The following TMTC1 variants were observed in gnomAD, a reference collection of about 807,000 sequenced individuals.
The protein encoded by TMTC1 is protein O-mannosyl-transferase TMTC1.
Under a neutral mutation model 104.8 loss-of-function variants are expected in TMTC1, and 73 were observed. That is an observed-to-expected ratio of 0.70 (90% confidence interval 0.58 to 0.85). The LOEUF (loss-of-function observed/expected upper bound fraction) is 0.85, where lower values mean the gene tolerates loss of function less well. Among genes scored for constraint, TMTC1 ranks in the 40% least tolerant of loss-of-function variants. TMTC1 has a pLI of 0.00. For synonymous variants in TMTC1, 434 were observed against 428.7 expected (o/e 1.01, Z -0.15); for missense variants, 1,035 against 1,096.1 (o/e 0.94, Z 0.79).
chr12:29,630,216 G>A (rs1381534448), intron 6 of TMTC1, among the ~76,000 whole-genome samples: 1 of 152,128 alleles, frequency 6.6e-6, no homozygotes, highest in Non-Finnish European at 1.5e-5. Context: ...CCAAGACTAG[G>A]TAATTTATAA....
chr12:29,518,482 A>G lies in TMTC1; in HGVS notation c.2014T>C (p.Trp672Arg), dbSNP rs1944054290. 1.9e-6 allele frequency: 3 copies of G among 1,613,466 alleles called. No homozygotes were observed. The highest frequency in any genetic ancestry group is 2.2e-5 in the East Asian group (1 of 44,878). ...GAAAGGGAACTTTACCGCTTGTACC[A>G]TTCTTCAGCCATGCTGTTCTCTCCC... ...SLGENSMAEE[W>R]YKRALQVAHK... Residue 672 changes from tryptophan (W) to arginine (R), a missense_variant, in exon 13 of 18, where the codon TGG becomes CGG. Transcript: ENST00000539277.
chr12:29,655,720 T>C (rs940405876), intron 5 of TMTC1, among the ~76,000 whole-genome samples: 2 of 152,052 alleles, frequency 1.3e-5, no homozygotes, highest in Admixed American at 6.5e-5. Context: ...CACACAGAAA[T>C]AGATAATGTA....
chr12:29,630,650 T>C (rs1938249940), intron 6 of TMTC1, among the ~76,000 whole-genome samples: 1 of 152,236 alleles, frequency 6.6e-6, no homozygotes, highest in South Asian at 2.1e-4. Flanking sequence ...GAATAATTGA[T>C]GACACTGAGT....
chr12:29,732,407 T>C (rs1942567479), intron 5 of TMTC1, among the ~76,000 whole-genome samples: 1 of 152,034 alleles, frequency 6.6e-6, no homozygotes, highest in Non-Finnish European at 1.5e-5. Flanking sequence ...GCCCTTCCAG[T>C]AGGAAAGTAT....
intron 5 of TMTC1, among the ~76,000 whole-genome samples, chr12:29,647,309 T>TA (rs1208787130): frequency 6.6e-6 from 1 of 152,178 alleles, no homozygotes; most frequent in Non-Finnish European, 1.5e-5. Context: ...CATGAGCCAC[T>TA]ATGCCCTGCC....
At chr12:29,751,628 T>C (rs372127734) in intron 5 of TMTC1, 38 bp downstream of exon 5, 2 of 1,611,096 alleles carry the variant, frequency 1.2e-6, no homozygotes, top group African/African-American at 1.3e-5. Flanking sequence ...ATGCTGGACA[T>C]TGAAAACATG....
chr12:29,570,879 A>C (rs1565678310), intron 9 of TMTC1, among the ~76,000 whole-genome samples: 40 of 120,340 alleles, frequency 3.3e-4, no homozygotes, highest in African/African-American at 4.4e-4. Flanking sequence ...AAAAACAGAA[A>C]CACCCCCCCC....
intron 6 of TMTC1, among the ~76,000 whole-genome samples, chr12:29,631,694 C>A (rs1239833316): frequency 6.6e-6 from 1 of 152,086 alleles, no homozygotes; most frequent in African/African-American, 2.4e-5. Context: ...ATTGTAGGGA[C>A]CCTGGATTCT....
At chr12:29,720,313 T>C (rs1942202714) in intron 5 of TMTC1, among the ~76,000 whole-genome samples, 1 of 152,226 alleles carries the variant, frequency 6.6e-6, no homozygotes, top group South Asian at 2.1e-4. Flanking sequence ...TGAGCACATC[T>C]GCACAGCCTC....
At chr12:29,528,926 C>T (rs1162794361) in intron 11 of TMTC1, among the ~76,000 whole-genome samples, 1 of 151,624 alleles carries the variant, frequency 6.6e-6, no homozygotes, top group South Asian at 2.1e-4. Context: ...AAAAAAATAG[C>T]GAGAATAGTG....
intron 9 of TMTC1, among the ~76,000 whole-genome samples, chr12:29,561,331 T>C (rs1945371953): frequency 1.3e-5 from 2 of 152,236 alleles, no homozygotes; most frequent in South Asian, 4.1e-4. Flanking sequence ...ATAATTCTTT[T>C]CATCTTGTTG....
Position 29,783,457 on chromosome 12 carries a change from T to G in TMTC1, c.295A>C (p.Thr99Pro). 7.6e-7 allele frequency: 1 copy of G among 1,324,158 alleles called. No homozygotes were observed. Among genetic ancestry groups the G allele is most frequent in the South Asian group, 2.0e-5 (1 of 50,150 alleles). The allele number at this position is 1,324,158 out of a possible 1,614,324, so 82.0% of individuals were successfully genotyped here. ...GCGAGGTGAGGGACTCACTTGAAGG[T>G]GAGGACGCAGAGCGGCCGGTAGGAC... ...HKSYRPLCVL[T>P]FKLNIFLTGM... Residue 99 changes from threonine (T) to proline (P), a missense_variant, in exon 1 of 18, where the codon ACC (threonine) becomes CCC (proline). Physicochemically the swap from Thr to Pro is conservative, Grantham distance 38. Coordinates refer to ENST00000539277, the MANE Select transcript of TMTC1 (RefSeq NM_001193451.2). The surrounding 1 kb of genome is among the most constrained non-coding windows in gnomAD (Gnocchi z 4.7).
chr12:29,633,480 T>C (rs11050329), intron 5 of TMTC1, 144 bp from the exon 6 acceptor site: 104,692 of 678,712 alleles, frequency 0.15, 8,823 homozygotes, highest in Non-Finnish European at 0.17. Flanking sequence ...TGGAAAGCCA[T>C]TCACTCATTT....
intron 5 of TMTC1, among the ~76,000 whole-genome samples, chr12:29,648,792 T>C (rs1456455006): frequency 6.6e-6 from 1 of 152,242 alleles, no homozygotes; most frequent in African/African-American, 2.4e-5. Flanking sequence ...TTTGTTTCAA[T>C]GAATATACCC....
chr12:29,536,410 A>G (rs1944645447), intron 10 of TMTC1, 93 bp from the exon 11 acceptor site: 3 of 789,734 alleles, frequency 3.8e-6, no homozygotes, highest in African/African-American at 1.8e-5. Context: ...CATTTCTTTT[A>G]GCAAAGGTTA....
intron 15 of TMTC1, among the ~76,000 whole-genome samples, 200 bp downstream of exon 15, chr12:29,516,148 TA>T (rs1482598981): frequency 5.9e-5 from 9 of 152,108 alleles, no homozygotes; most frequent in African/African-American, 2.2e-4. Context: ...ACACCAAAGA[TA>T]AGCCAAGAAA....
At chr12:29,742,749 G>C (rs1255575440) in intron 5 of TMTC1, among the ~76,000 whole-genome samples, 2 of 152,128 alleles carry the variant, frequency 1.3e-5, no homozygotes, top group African/African-American at 4.8e-5. Context: ...CATCAGTTAA[G>C]AATTAAGTGT....
At chr12:29,536,955 A>C (rs976497308) in intron 10 of TMTC1, among the ~76,000 whole-genome samples, 1 of 152,202 alleles carries the variant, frequency 6.6e-6, no homozygotes, top group Non-Finnish European at 1.5e-5. Context: ...TCCCCCAGTG[A>C]TGACACTTCC....
At chr12:29,600,060 T>C (rs769143468) in intron 7 of TMTC1, among the ~76,000 whole-genome samples, 15 of 143,548 alleles carry the variant, frequency 1.0e-4, no homozygotes, top group Admixed American at 1.4e-4. Flanking sequence ...CTGTGGAAAA[T>C]GGCTGTTTCT....
Sources: gnomAD v4.1 joint callset for allele counts (sites outside exome capture counted in the v4.1 genomes callset) on GRCh38, gnomAD v4.1.1 for gene constraint, Gnocchi (gnomAD v3.1) non-coding constraint, MANE v1.5 for transcripts, NCBI Gene and HGNC (gene_info 2026-07-23, HGNC 2026-07-21) for gene names.